The following RIMS2 variants were observed in gnomAD, a reference collection of about 807,000 sequenced individuals.
RIMS2 encodes regulating synaptic membrane exocytosis 2, also known as regulating synaptic membrane exocytosis protein 2.
A neutral mutation model predicts 174.4 loss-of-function variants in RIMS2; 59 were observed. The observed-to-expected ratio is 0.34, with a 90% CI of 0.27 to 0.42. The LOEUF is 0.42. RIMS2 is among the 10% of genes least tolerant of loss of function. RIMS2 has a pLI of 1.00. For missense variants in RIMS2, 1,620 were observed against 1,666.3 expected (o/e 0.97, Z 0.48); for synonymous variants, 606 against 572.5 (o/e 1.06, Z -0.84).
intron 3 of RIMS2, among the ~76,000 whole-genome samples, chr8:103,817,219 G>A (rs1434181933): frequency 6.6e-6 from 1 of 152,118 alleles, no homozygotes; most frequent in Non-Finnish European, 1.5e-5. Context: ...AGTTACTTGC[G>A]AGTTAAAACA....
intron 4 of RIMS2, among the ~76,000 whole-genome samples, chr8:103,896,963 G>C (rs1304273402): frequency 6.6e-6 from 1 of 151,598 alleles, no homozygotes; most frequent in African/African-American, 2.4e-5. Flanking sequence ...ACAAGGAGAG[G>C]GGTCCACAGA....
chr8:103,509,342 T>C (rs1163517394), intron 1 of RIMS2, among the ~76,000 whole-genome samples: 1 of 152,142 alleles, frequency 6.6e-6, no homozygotes, highest in Non-Finnish European at 1.5e-5. Context: ...CATTGATAAC[T>C]TAGTCTCAAT....
intron 17 of RIMS2, among the ~76,000 whole-genome samples, chr8:103,998,794 G>C (rs1272015405): frequency 6.6e-6 from 1 of 151,644 alleles, no homozygotes; most frequent in Non-Finnish European, 1.5e-5. Flanking sequence ...GAAAACACTT[G>C]TTCATTTCTA....
At position 104,171,564 on chromosome 8, in the gene RIMS2, C is replaced by A. The variant is rs368008723; in HGVS notation, c.3335-73352C>A. ...TGTATCCTGGATTTTTAAAAAATTT[C>A]TTTAATTTTGTTTTCACATTTCTGT... On this transcript the variant is annotated intron_variant, in intron 19 of 23. Transcript: ENST00000504942. Among the ~76,000 whole-genome samples, 50 of 151,822 alleles carry A rather than the reference C, an allele frequency of 3.3e-4. No individual in the cohort carries two copies. The East Asian group carries it at 8.3e-3, about 25-fold the overall frequency.
intron 1 of RIMS2, among the ~76,000 whole-genome samples, chr8:103,644,322 T>C (rs1487691819): frequency 1.3e-5 from 2 of 152,136 alleles, no homozygotes; most frequent in Non-Finnish European, 2.9e-5. Flanking sequence ...CAGCAGTTTG[T>C]GAGGTCACAT....
At chr8:103,592,425 C>T (rs1186702972) in intron 1 of RIMS2, among the ~76,000 whole-genome samples, 2 of 151,188 alleles carry the variant, frequency 1.3e-5, no homozygotes, top group Non-Finnish European at 3.0e-5. Flanking sequence ...CATCCCAATT[C>T]ACCTAAAATC....
intron 3 of RIMS2, among the ~76,000 whole-genome samples, chr8:103,879,636 A>G (rs2099157977): frequency 6.6e-6 from 1 of 151,780 alleles, no homozygotes; most frequent in Non-Finnish European, 1.5e-5. Context: ...CTAAAATAAA[A>G]TGATAGAGGT....
chr8:103,917,686 T>A (rs2076864905), intron 8 of RIMS2, among the ~76,000 whole-genome samples: 1 of 152,166 alleles, frequency 6.6e-6, no homozygotes, highest in Non-Finnish European at 1.5e-5. Context: ...AGATTCCCCA[T>A]AAGAAACATG....
At chr8:103,640,782 G>T (rs1172167025) in intron 1 of RIMS2, among the ~76,000 whole-genome samples, 1 of 151,978 alleles carries the variant, frequency 6.6e-6, no homozygotes, top group Non-Finnish European at 1.5e-5. Context: ...AATGTGGTCT[G>T]TCTTGGTGTA....
intron 1 of RIMS2, among the ~76,000 whole-genome samples, chr8:103,551,616 A>T (rs1370271680): frequency 1.3e-5 from 2 of 152,168 alleles, no homozygotes; most frequent in Non-Finnish European, 2.9e-5. Context: ...CAGACAGGAG[A>T]AAGAAATAAA....
intron 1 of RIMS2, among the ~76,000 whole-genome samples, chr8:103,597,816 A>G (rs1230635003): frequency 6.6e-6 from 1 of 152,120 alleles, no homozygotes; most frequent in African/African-American, 2.4e-5. Flanking sequence ...TGTATATAAT[A>G]GTGTTTTTTA....
intron 1 of RIMS2, among the ~76,000 whole-genome samples, chr8:103,578,565 AC>A (rs2093407037): frequency 6.6e-6 from 1 of 151,988 alleles, no homozygotes; most frequent in Non-Finnish European, 1.5e-5. Context: ...AACAACAACA[AC>A]AACAACAAAA....
intron 3 of RIMS2, among the ~76,000 whole-genome samples, chr8:103,838,893 G>A (rs529511205): frequency 1.4e-4 from 21 of 152,138 alleles, no homozygotes; most frequent in Non-Finnish European, 2.1e-4. Context: ...GTGAAACCCC[G>A]TCTCTACTAA....
chr8:103,550,227 G>A (rs1847106945), intron 1 of RIMS2, among the ~76,000 whole-genome samples: 1 of 152,120 alleles, frequency 6.6e-6, no homozygotes, highest in South Asian at 2.1e-4. Flanking sequence ...CTCAGCAAAT[G>A]TAAAAGAACA....
chr8:103,506,144 A>G (rs887141785), intron 1 of RIMS2, among the ~76,000 whole-genome samples: 3 of 152,128 alleles, frequency 2.0e-5, no homozygotes, highest in Non-Finnish European at 4.4e-5. Context: ...ATGAAAAACT[A>G]TAGTTTTTAA....
At chr8:103,590,644 A>G (rs2094207738) in intron 1 of RIMS2, among the ~76,000 whole-genome samples, 2 of 140,538 alleles carry the variant, frequency 1.4e-5, no homozygotes, top group African/African-American at 5.3e-5. Context: ...TCATGAATCT[A>G]TCGTATATTT....
At chr8:104,189,115 T>A (rs957123931) in intron 19 of RIMS2, among the ~76,000 whole-genome samples, 2 of 152,010 alleles carry the variant, frequency 1.3e-5, no homozygotes, top group South Asian at 2.1e-4. Context: ...TTCTTAATAA[T>A]TATTATTTTA....
chr8:104,034,113 A>G (rs1019475099), intron 19 of RIMS2, among the ~76,000 whole-genome samples: 3 of 152,200 alleles, frequency 2.0e-5, no homozygotes, highest in African/African-American at 7.2e-5. Context: ...AATGAGCCCA[A>G]ACTTGAGATG....
intron 2 of RIMS2, among the ~76,000 whole-genome samples, chr8:103,758,177 T>G (rs979632747): frequency 6.6e-6 from 1 of 152,154 alleles, no homozygotes; most frequent in Admixed American, 6.5e-5. Context: ...TCTCTTCTTC[T>G]CTTTCTTCCT....
Sources: gnomAD v4.1 joint callset for allele counts (sites outside exome capture counted in the v4.1 genomes callset) on GRCh38, gnomAD v4.1.1 for gene constraint, MANE v1.5 for transcripts, NCBI Gene and HGNC (gene_info 2026-07-23, HGNC 2026-07-21) for gene names.